GRIP1: variants seen among roughly 807,000 people sequenced by gnomAD.
GRIP1 encodes the protein glutamate receptor-interacting protein 1.
A neutral mutation model predicts 129.9 loss-of-function variants in GRIP1; 45 were observed. That is an observed-to-expected ratio of 0.35 (90% confidence interval 0.27 to 0.44). The LOEUF is 0.44. Among genes scored for constraint, GRIP1 ranks in the 20% least tolerant of loss-of-function variants. The probability of loss-of-function intolerance (pLI) is 1.00; values close to 1 mark genes in which losing one functional copy is unlikely to be tolerated. For synonymous variants in GRIP1, 530 were observed against 520.8 expected (o/e 1.02, Z -0.24); for missense variants, 1,196 against 1,396.8 (o/e 0.86, Z 2.29).
chr12:66,692,994 G>A (rs764599047), intron 1 of GRIP1, among the ~76,000 whole-genome samples: 8 of 152,194 alleles, frequency 5.3e-5, no homozygotes, highest in Admixed American at 6.5e-5. Context: ...ATAGGGTGTT[G>A]AGAATGTTAC....
At chr12:66,970,424 G>C (rs1412113442) in intron 1 of GRIP1, among the ~76,000 whole-genome samples, 1 of 152,054 alleles carries the variant, frequency 6.6e-6, no homozygotes, top group Non-Finnish European at 1.5e-5. Context: ...TGATGTATCA[G>C]ATAACAGGAA....
intron 1 of GRIP1, among the ~76,000 whole-genome samples, chr12:66,632,733 A>G (rs1592677027): frequency 6.6e-6 from 1 of 152,224 alleles, no homozygotes; most frequent in African/African-American, 2.4e-5. Flanking sequence ...AAATTAAAAT[A>G]CATACAATTT....
intron 1 of GRIP1, among the ~76,000 whole-genome samples, chr12:66,798,100 A>G (rs1289857029): frequency 1.3e-5 from 2 of 152,202 alleles, no homozygotes; most frequent in African/African-American, 2.4e-5. Flanking sequence ...TGACCACTAC[A>G]TCATGCAAAC....
At chr12:66,464,202 A>T (rs986015803) in intron 8 of GRIP1, among the ~76,000 whole-genome samples, 1 of 152,232 alleles carries the variant, frequency 6.6e-6, no homozygotes, top group Non-Finnish European at 1.5e-5. Context: ...CCAACTAAAA[A>T]CATAATTCCA....
chr12:66,451,695 A>T lies in GRIP1; in HGVS notation c.1354+3714T>A, dbSNP rs530755342. Among the ~76,000 whole-genome samples the T allele has an allele frequency of 7.9e-5, 12 of 152,126 alleles. No individual in the cohort carries two copies. The East Asian group carries it at 2.3e-3, about 29-fold the overall frequency. ...AAGGAATAATGTGTTTTTATTATTGATCCTGTAATCTAAGACTTCTGTCTC... is the reference window on the plus strand; with the variant it reads ...AAGGAATAATGTGTTTTTATTATTGTTCCTGTAATCTAAGACTTCTGTCTC... On this transcript the variant is annotated intron_variant, in intron 11 of 24. Coordinates refer to ENST00000359742, the MANE Select transcript of GRIP1 (RefSeq NM_001366722.1).
At chr12:66,615,799 C>G (rs1478757036) in intron 1 of GRIP1, among the ~76,000 whole-genome samples, 6 of 152,044 alleles carry the variant, frequency 3.9e-5, no homozygotes, top group African/African-American at 1.4e-4. Context: ...TATCCACCAT[C>G]ATGCCCAGCT....
At chr12:66,736,054 G>A (rs2036586116) in intron 1 of GRIP1, among the ~76,000 whole-genome samples, 1 of 152,084 alleles carries the variant, frequency 6.6e-6, no homozygotes, top group South Asian at 2.1e-4. Context: ...GAGGGGTTGG[G>A]GAGGGCTGAC....
chr12:66,679,384 T>C (rs1010834119), upstream of GRIP1, among the ~76,000 whole-genome samples: 10 of 146,894 alleles, frequency 6.8e-5, no homozygotes, highest in Non-Finnish European at 1.5e-4. Flanking sequence ...AGTGAAATGC[T>C]TACACTCTTA....
chr12:66,432,434 T>C lies in GRIP1; in HGVS notation c.1768+114A>G, dbSNP rs530462831. ...TGACTGACTCCACATTTTTGTATCATGATATAAAAACTTCGCAAAGACATA... is the reference window on the plus strand; with the variant it reads ...TGACTGACTCCACATTTTTGTATCACGATATAAAAACTTCGCAAAGACATA... On this transcript the variant is annotated intron_variant, in intron 14 of 24. Transcript: ENST00000359742. 6.0e-6 allele frequency: 4 copies of C among 661,338 alleles called. No individual in the cohort carries two copies. In the East Asian group the frequency reaches 1.1e-4, roughly 18 times the overall value. The allele number at this position is 661,338 out of a possible 1,614,324, so 41.0% of individuals were successfully genotyped here.
intron 2 of GRIP1, chr12:66,570,898 TC>T (rs1414076635): frequency 6.6e-6 from 1 of 152,172 alleles, no homozygotes; most frequent in African/African-American, 2.4e-5. Context: ...TACATTTGAT[TC>T]TCACAGAAAC....
chr12:66,400,463 T>C (rs1327919213), intron 16 of GRIP1, among the ~76,000 whole-genome samples: 2 of 152,216 alleles, frequency 1.3e-5, no homozygotes, highest in Admixed American at 6.5e-5. Context: ...GGGAAAAAGC[T>C]ACTGCAAATT....
intron 19 of GRIP1, among the ~76,000 whole-genome samples, chr12:66,388,741 GGT>G (rs2056461890): frequency 1.3e-5 from 2 of 152,334 alleles, no homozygotes; most frequent in South Asian, 4.1e-4. Context: ...TTCCCCACAA[GGT>G]TTCGTCATTC....
chr12:66,838,180 C>T (rs1414591983), intron 1 of GRIP1, among the ~76,000 whole-genome samples: 1 of 89,770 alleles, frequency 1.1e-5, no homozygotes, highest in East Asian at 3.8e-4. Flanking sequence ...CAGAGAAAGA[C>T]TCCACCTAAA....
intron 1 of GRIP1, among the ~76,000 whole-genome samples, chr12:66,732,638 TATAATTTTCTTAAC>T (rs2036476024): frequency 6.6e-6 from 1 of 152,170 alleles, no homozygotes; most frequent in African/African-American, 2.4e-5. Flanking sequence ...TTCTCTTGCT[TATAATTTTCTTAAC>T]ACTTTTTCTC....
chr12:66,869,861 A>G (rs1326047945), intron 1 of GRIP1, among the ~76,000 whole-genome samples: 1 of 152,124 alleles, frequency 6.6e-6, no homozygotes, highest in African/African-American at 2.4e-5. Flanking sequence ...ACTAAATCCA[A>G]GTTCTTTAAC....
At chr12:67,032,278 C>T (rs1301242938) in intron 1 of GRIP1, among the ~76,000 whole-genome samples, 1 of 152,146 alleles carries the variant, frequency 6.6e-6, no homozygotes, top group Non-Finnish European at 1.5e-5. Flanking sequence ...TGTATATATA[C>T]ATTTATTCTC....
intron 19 of GRIP1, among the ~76,000 whole-genome samples, chr12:66,391,455 T>C (rs1175673920): frequency 1.3e-5 from 2 of 152,180 alleles, no homozygotes; most frequent in Non-Finnish European, 2.9e-5. Context: ...ATTCCATGAG[T>C]GAGGCTTTTT....
chr12:67,042,526 T>C (rs1391067311), intron 1 of GRIP1, among the ~76,000 whole-genome samples: 2 of 152,206 alleles, frequency 1.3e-5, no homozygotes, highest in Non-Finnish European at 2.9e-5. Flanking sequence ...ATATCCTTAT[T>C]TCTCTGCCAG....
rs373288682 is a variant in GRIP1, at chr12:66,953,837, GAC to G, written c.58+115211_58+115212del. ...CAAGCCAAAGAAAGAGTGTGTGTCA[GAC>G]ACACACACACACAATCGATAACCTA... On this transcript the variant is annotated intron_variant, in intron 1 of 1. Coordinates refer to the GRIP1 transcript ENST00000643019. 6.6e-5 allele frequency among the ~76,000 whole-genome samples: 10 copies of G among 151,426 alleles called. No homozygotes were observed. The East Asian group carries it at 1.6e-3, about 24-fold the overall frequency.
Sources: gnomAD v4.1 joint callset for allele counts (sites outside exome capture counted in the v4.1 genomes callset) on GRCh38, gnomAD v4.1.1 for gene constraint, MANE v1.5 for transcripts, NCBI Gene and HGNC (gene_info 2026-07-23, HGNC 2026-07-21) for gene names.